The following EEPD1 variants were observed in gnomAD, a reference collection of about 807,000 sequenced individuals.
EEPD1 encodes endonuclease/exonuclease/phosphatase family domain containing 1, also known as endonuclease/exonuclease/phosphatase family domain-containing protein 1.
EEPD1 carries 17 observed loss-of-function variants against 46.3 expected under a neutral mutation model. That is an observed-to-expected ratio of 0.37 (90% CI 0.25 to 0.55). EEPD1 has a LOEUF of 0.55. EEPD1 is among the 20% of genes least tolerant of loss of function. The pLI is 0.83. For synonymous variants in EEPD1, 313 were observed against 315.6 expected (o/e 0.99, Z 0.09); for missense variants, 673 against 745.6 (o/e 0.90, Z 1.13).
At chr7:36,175,136 A>G (rs1785154219) in intron 2 of EEPD1, among the ~76,000 whole-genome samples, 1 of 152,242 alleles carries the variant, frequency 6.6e-6, no homozygotes, top group Non-Finnish European at 1.5e-5. Context: ...ACTAGGTTAC[A>G]GTCTATTGAC....
intron 6 of EEPD1, among the ~76,000 whole-genome samples, chr7:36,294,165 C>A (rs1280741360): frequency 1.3e-5 from 2 of 151,996 alleles, no homozygotes; most frequent in African/African-American, 4.8e-5. Flanking sequence ...TCTCCTCCTG[C>A]CAACCAAAGA....
At chr7:36,255,565 A>G (rs575151735) in intron 3 of EEPD1, among the ~76,000 whole-genome samples, 8 of 152,262 alleles carry the variant, frequency 5.3e-5, no homozygotes, top group Non-Finnish European at 1.0e-4. Context: ...GGGAGAGTGT[A>G]TGTGTCCAGG....
At chr7:36,224,845 A>G (rs981451438) in intron 2 of EEPD1, among the ~76,000 whole-genome samples, 1 of 151,990 alleles carries the variant, frequency 6.6e-6, no homozygotes, top group African/African-American at 2.4e-5. Context: ...AAAAAAAAAA[A>G]GTTTTGCAGA....
At chr7:36,167,349 G>A (rs908472007) in intron 2 of EEPD1, among the ~76,000 whole-genome samples, 11 of 152,130 alleles carry the variant, frequency 7.2e-5, no homozygotes, top group South Asian at 6.2e-4. Context: ...GAGGGATGAC[G>A]ATTTCAAAGT....
chr7:36,278,958 G>A (rs190697375), intron 3 of EEPD1, among the ~76,000 whole-genome samples: 45 of 152,290 alleles, frequency 3.0e-4, no homozygotes, highest in African/African-American at 1.0e-3. Flanking sequence ...TAAAAGTCAT[G>A]GTTGAGCAAA....
intron 2 of EEPD1, chr7:36,231,173 C>G (rs1229466797): frequency 6.6e-6 from 1 of 152,428 alleles, no homozygotes; most frequent in Non-Finnish European, 1.5e-5. Context: ...GGGGTGCCCT[C>G]TGGCTTCTGT....
chr7:36,266,797 T>C (rs1447749457), intron 3 of EEPD1, among the ~76,000 whole-genome samples: 1 of 152,236 alleles, frequency 6.6e-6, no homozygotes, highest in Non-Finnish European at 1.5e-5. Flanking sequence ...AATATTTACC[T>C]ACTCTGGATG....
intron 2 of EEPD1, among the ~76,000 whole-genome samples, chr7:36,219,802 A>AGTGTGTGT (rs1404686805): frequency 2.8e-3 from 185 of 67,268 alleles, no homozygotes; most frequent in East Asian, 8.2e-3. Context: ...AGAGAGAGAG[A>AGTGTGTGT]GAGAGTGTGT....
rs545486426 is a variant in EEPD1 at position 36,193,341 on chromosome 7, G to T, written c.878+38139G>T. Among the ~76,000 whole-genome samples the T allele has an allele frequency of 2.0e-5, 3 of 152,282 alleles. No homozygotes were observed. In the South Asian group the frequency reaches 6.2e-4, roughly 32 times the overall value. ...GTGCAGAAGCCTGGAGCCTGGAGAG[G>T]GGAGGAATGAAGGCGGGATGAGGTA... On this transcript the variant is annotated intron_variant, in intron 2 of 7. Transcript: ENST00000242108. The surrounding 1 kb of genome is among the most constrained non-coding windows in gnomAD (Gnocchi z 4.9).
chr7:36,297,263 A>G, intron 7 of EEPD1, 76 bp downstream of exon 7: 1 of 1,500,840 alleles, frequency 6.7e-7, no homozygotes, highest in Non-Finnish European at 9.1e-7. Context: ...GACAGAAGTC[A>G]TCTCACCTCC....
intron 2 of EEPD1, among the ~76,000 whole-genome samples, chr7:36,178,751 G>C (rs1355671062): frequency 1.3e-5 from 2 of 152,196 alleles, no homozygotes; most frequent in African/African-American, 2.4e-5. Context: ...CCCTGCACTG[G>C]TGTGGCTTCC....
intron 2 of EEPD1, among the ~76,000 whole-genome samples, chr7:36,195,551 A>G (rs1339781691): frequency 1.3e-5 from 2 of 152,242 alleles, no homozygotes; most frequent in Non-Finnish European, 1.5e-5. Context: ...AATTAAACTT[A>G]TAGAAGCAGA....
intron 2 of EEPD1, among the ~76,000 whole-genome samples, chr7:36,238,042 G>A (rs1786489503): frequency 6.6e-6 from 1 of 152,140 alleles, no homozygotes; most frequent in Non-Finnish European, 1.5e-5. Context: ...CTAGGAAAGG[G>A]GTGGGCAATT....
chr7:36,236,239 C>T (rs1786436557), intron 2 of EEPD1, among the ~76,000 whole-genome samples: 1 of 152,236 alleles, frequency 6.6e-6, no homozygotes, highest in East Asian at 1.9e-4. Context: ...GGGCCCCTCT[C>T]TGGGGCTGGC....
At chr7:36,185,881 C>T (rs954248221) in intron 2 of EEPD1, among the ~76,000 whole-genome samples, 1 of 152,144 alleles carries the variant, frequency 6.6e-6, no homozygotes, top group Admixed American at 6.6e-5. Flanking sequence ...AAGGCCCTTA[C>T]CTTGTCATAA....
In EEPD1 at chr7:36,164,332, T is replaced by C. The variant is rs139257795; in HGVS notation, c.878+9130T>C. On this transcript the variant is annotated intron_variant, in intron 2 of 7. Coordinates refer to ENST00000242108, the MANE Select transcript of EEPD1 (RefSeq NM_030636.3). The stretch of plus-strand genomic sequence containing the variant: ...CACATTTTAGGAGATCATGGTAATA[T>C]GTGCAACTGACATAAACAGTTTAAG... 3.0e-3 allele frequency among the ~76,000 whole-genome samples: 460 copies of C among 152,360 alleles called. 2 individuals carry two copies. The highest frequency in any genetic ancestry group is 0.01 in the African/African-American group (431 of 41,580).
intron 3 of EEPD1, among the ~76,000 whole-genome samples, chr7:36,273,046 A>G (rs1222615975): frequency 6.6e-6 from 1 of 152,126 alleles, no homozygotes; most frequent in Non-Finnish European, 1.5e-5. Flanking sequence ...GACCCGAGGC[A>G]TCAGTGACGA....
intron 3 of EEPD1, among the ~76,000 whole-genome samples, chr7:36,263,566 G>A (rs1427932500): frequency 6.6e-6 from 1 of 152,164 alleles, no homozygotes; most frequent in African/African-American, 2.4e-5. Context: ...GATCTTCAGG[G>A]GTCAGAAGTG....
chr7:36,221,248 C>T (rs760841603), intron 2 of EEPD1, among the ~76,000 whole-genome samples: 2 of 152,096 alleles, frequency 1.3e-5, no homozygotes, highest in African/African-American at 2.4e-5. Flanking sequence ...AGCTCTGTTC[C>T]GTATCATCTT....
Sources: allele counts gnomAD v4.1 joint callset (sites outside exome capture counted in the v4.1 genomes callset), GRCh38; gene constraint gnomAD v4.1.1; non-coding constraint Gnocchi (gnomAD v3.1); transcripts MANE v1.5; gene names NCBI Gene and HGNC (gene_info 2026-07-23, HGNC 2026-07-21).